LPAR3: variants seen among roughly 807,000 people sequenced by gnomAD.
LPAR3 encodes the protein LPA receptor 3.
LPAR3 carries 7 observed loss-of-function variants against 17.8 expected under a neutral mutation model. The observed-to-expected ratio is 0.39, with a 90% CI of 0.22 to 0.74. LPAR3 has a LOEUF of 0.74. Ranked by LOEUF, LPAR3 falls within the 30% of genes least tolerant of loss-of-function variation. The pLI is 0.40. For synonymous variants in LPAR3, 179 were observed against 179.9 expected, an observed-to-expected ratio of 0.99 and a Z score of 0.04; for missense variants, 391 against 453.4, an observed-to-expected ratio of 0.86 and a Z score of 1.25.
chr1:84,853,080 A>AC (rs755606716), intron 2 of LPAR3, among the ~76,000 whole-genome samples: 4 of 147,494 alleles, frequency 2.7e-5, no homozygotes, highest in Admixed American at 6.9e-5. Context: ...ACATAGGGAG[A>AC]CCCCATCTCT....
chr1:84,847,206 A>G (rs977647813), intron 2 of LPAR3, among the ~76,000 whole-genome samples: 7 of 152,136 alleles, frequency 4.6e-5, no homozygotes, highest in African/African-American at 1.7e-4. Context: ...TGTATTTTAA[A>G]TCCATTCTTC....
chr1:84,821,956 T>G (rs1288903440), intron 2 of LPAR3, among the ~76,000 whole-genome samples: 1 of 152,098 alleles, frequency 6.6e-6, no homozygotes, highest in Non-Finnish European at 1.5e-5. Flanking sequence ...CTTCTCCAGT[T>G]GGAGATGTGT....
rs9729018 is a variant in LPAR3, at chr1:84,813,394, C to T, written c.*452G>A. On this transcript the variant is annotated 3_prime_UTR_variant, in exon 3 of 3. Transcript: ENST00000370611. Reference sequence around the variant, plus strand: ...GCCATGGTTTCTTTGAGGAAAAAAACACCATTGCTGAAGCATTTCTAAACA... The same window carrying T: ...GCCATGGTTTCTTTGAGGAAAAAAATACCATTGCTGAAGCATTTCTAAACA... 119,090 of 152,552 alleles carry T rather than the reference C, an allele frequency of 0.78. 46,689 individuals carry two copies. The highest frequency in any genetic ancestry group is 0.87 in the African/African-American group (35,807 of 41,372). The allele number at this position is 152,552 out of a possible 1,614,324, so 9.4% of individuals were successfully genotyped here. A position where few individuals can be genotyped will look rare whatever the true frequency, so the allele number is the denominator to read the frequency against.
chr1:84,880,099 G>A (rs7537896), intron 1 of LPAR3, among the ~76,000 whole-genome samples: 2,684 of 152,286 alleles, frequency 0.018, 80 homozygotes, highest in African/African-American at 0.062. Flanking sequence ...GGAGGCCAAG[G>A]TGGGAGGATT....
intron 1 of LPAR3, among the ~76,000 whole-genome samples, chr1:84,868,774 A>G (rs887914512): frequency 6.6e-6 from 1 of 152,184 alleles, no homozygotes; most frequent in Non-Finnish European, 1.5e-5. Flanking sequence ...CCAGGCCCTC[A>G]CCAGACACCA....
chr1:84,814,188 G>C lies in LPAR3; in HGVS notation c.737-17C>G. On this transcript the variant is annotated splice_polypyrimidine_tract_variant and intron_variant, in intron 2 of 2. Coordinates refer to ENST00000370611, the MANE Select transcript of LPAR3 (RefSeq NM_012152.3). ...CAAACGCCCCTGCAAGGAGAGAAGA[G>C]GAGGCAACAGATGCTCAGACCTTAG... 6.2e-7 allele frequency: 1 copy of C among 1,605,574 alleles called. No homozygotes were observed. The highest frequency in any genetic ancestry group is 8.5e-7 in the Non-Finnish European group (1 of 1,173,998).
rs1294907634 is a variant in LPAR3 at position 84,812,504 on chromosome 1, C to T, written c.*1342G>A. 1 of 145,362 alleles carries T rather than the reference C, an allele frequency of 6.9e-6. No homozygotes were observed. The highest frequency in any genetic ancestry group is 1.5e-5 in the Non-Finnish European group (1 of 67,138). 9.0% of individuals were successfully genotyped at this position (145,362 alleles called of 1,614,324 possible). A position where few individuals can be genotyped will look rare whatever the true frequency, so the allele number is the denominator to read the frequency against. The stretch of plus-strand genomic sequence containing the variant: ...AGAGTGCAGTGCTGCGATCTTGGCT[C>T]ACTCTGCAACCTCCACCTCCCGGGT... On this transcript the variant is annotated 3_prime_UTR_variant, in exon 3 of 3. Transcript: ENST00000370611.
intron 2 of LPAR3, among the ~76,000 whole-genome samples, chr1:84,831,083 T>TA (rs971169417): frequency 3.3e-5 from 5 of 151,980 alleles, no homozygotes; most frequent in African/African-American, 7.2e-5. Context: ...ATTTGTAGTT[T>TA]AAAAAAAAAT....
intron 2 of LPAR3, among the ~76,000 whole-genome samples, chr1:84,824,808 G>A (rs1013633794): frequency 3.3e-5 from 5 of 152,150 alleles, no homozygotes; most frequent in African/African-American, 4.8e-5. Flanking sequence ...ACATGTGTGC[G>A]CACACAATTT....
intron 2 of LPAR3, among the ~76,000 whole-genome samples, chr1:84,856,593 T>C (rs1659834280): frequency 6.6e-6 from 1 of 152,118 alleles, no homozygotes; most frequent in Non-Finnish European, 1.5e-5. Flanking sequence ...GGACAGTTCA[T>C]CGATGAAGCT....
At chr1:84,883,856 T>C (rs1660410351) in intron 1 of LPAR3, among the ~76,000 whole-genome samples, 1 of 152,202 alleles carries the variant, frequency 6.6e-6, no homozygotes. Flanking sequence ...AAACATTTAC[T>C]GAATCTAGAA....
At chr1:84,867,510 A>G (rs1047569479) in intron 1 of LPAR3, among the ~76,000 whole-genome samples, 10 of 152,260 alleles carry the variant, frequency 6.6e-5, no homozygotes, top group Admixed American at 1.3e-4. Context: ...CCAGATAACT[A>G]TTAAGTAGTA....
chr1:84,876,321 C>T (rs1660257410), intron 1 of LPAR3, among the ~76,000 whole-genome samples: 1 of 152,178 alleles, frequency 6.6e-6, no homozygotes, highest in South Asian at 2.1e-4. Flanking sequence ...CAGCTCCCCT[C>T]CCTACCCTGT....
At chr1:84,866,619 T>C (rs1660056392) in intron 1 of LPAR3, among the ~76,000 whole-genome samples, 1 of 152,222 alleles carries the variant, frequency 6.6e-6, no homozygotes, top group South Asian at 2.1e-4. Context: ...GATATGTTCA[T>C]TAATCAACGG....
chr1:84,858,454 C>T (rs1374380109), intron 2 of LPAR3, among the ~76,000 whole-genome samples: 1 of 146,072 alleles, frequency 6.8e-6, no homozygotes, highest in Admixed American at 7.0e-5. Context: ...ACTGAAACTC[C>T]AGCCTTGGGC....
At chr1:84,860,847 TC>T (rs1266623370) in intron 2 of LPAR3, among the ~76,000 whole-genome samples, 3 of 150,646 alleles carry the variant, frequency 2.0e-5, no homozygotes, top group Admixed American at 6.6e-5. Flanking sequence ...CAACCAATTC[TC>T]CTGCCTCAGC....
intron 1 of LPAR3, among the ~76,000 whole-genome samples, chr1:84,892,346 C>T (rs982197528): frequency 1.3e-5 from 2 of 152,186 alleles, no homozygotes; most frequent in African/African-American, 2.4e-5. Flanking sequence ...AGTCACTCCT[C>T]AAATTACATG....
intron 2 of LPAR3, among the ~76,000 whole-genome samples, chr1:84,854,061 A>T (rs576249173): frequency 1.3e-5 from 2 of 152,292 alleles, no homozygotes; most frequent in African/African-American, 4.8e-5. Flanking sequence ...TAGATATCTG[A>T]CAATGAAGTC....
intron 2 of LPAR3, among the ~76,000 whole-genome samples, chr1:84,827,600 G>A (rs1382452907): frequency 6.6e-6 from 1 of 152,120 alleles, no homozygotes; most frequent in East Asian, 1.9e-4. Flanking sequence ...CCCTTCACTT[G>A]TGCCCTCATG....
Sources: gnomAD v4.1 joint callset for allele counts (sites outside exome capture counted in the v4.1 genomes callset) on GRCh38, gnomAD v4.1.1 for gene constraint, MANE v1.5 for transcripts, NCBI Gene and HGNC (gene_info 2026-07-23, HGNC 2026-07-21) for gene names.